The following CTNNA3 variants were observed in gnomAD, a reference collection of about 807,000 sequenced individuals.
CTNNA3 encodes the protein catenin alpha 3.
CTNNA3 carries 76 observed loss-of-function variants against 95.7 expected under a neutral mutation model. That is an observed-to-expected ratio of 0.79 (90% confidence interval 0.66 to 0.96). CTNNA3 has a LOEUF of 0.96. Ranked by LOEUF, CTNNA3 falls within the 40% of genes least tolerant of loss-of-function variation. The pLI is 0.00. For missense variants in CTNNA3, 1,191 were observed against 1,089.8 expected (o/e 1.09, Z -1.31); for synonymous variants, 431 against 374.4 (o/e 1.15, Z -1.74).
chr10:66,757,329 C>A (rs1040321409), intron 9 of CTNNA3, among the ~76,000 whole-genome samples: 12 of 152,052 alleles, frequency 7.9e-5, no homozygotes, highest in Admixed American at 7.9e-4. Context: ...AAATGCCCTT[C>A]GAGTCTATAC....
chr10:66,308,262 ATTGT>A (rs1280785850), intron 12 of CTNNA3, among the ~76,000 whole-genome samples: 1 of 152,214 alleles, frequency 6.6e-6, no homozygotes, highest in Non-Finnish European at 1.5e-5. Flanking sequence ...ATTAATATAC[ATTGT>A]TTGATATAAT....
intron 13 of CTNNA3, among the ~76,000 whole-genome samples, chr10:66,204,159 TAAA>T (rs1177723235): frequency 6.6e-6 from 1 of 152,138 alleles, no homozygotes; most frequent in Non-Finnish European, 1.5e-5. Context: ...TTGTTTTAAA[TAAA>T]AGAATGAAAA....
At chr10:66,166,750 CAA>C (rs146443887) in intron 13 of CTNNA3, among the ~76,000 whole-genome samples, 9 of 151,096 alleles carry the variant, frequency 6.0e-5, no homozygotes, top group East Asian at 5.8e-4. Context: ...ATTATAACAG[CAA>C]AAAAAATTAA....
At chr10:66,319,178 C>T (rs1204267866) in intron 12 of CTNNA3, among the ~76,000 whole-genome samples, 1 of 151,954 alleles carries the variant, frequency 6.6e-6, no homozygotes, top group Non-Finnish European at 1.5e-5. Flanking sequence ...ATTACTTGAT[C>T]ATAATCAAAT....
At chr10:66,144,438 G>GGGA (rs2083771959) in intron 13 of CTNNA3, among the ~76,000 whole-genome samples, 1 of 151,580 alleles carries the variant, frequency 6.6e-6, no homozygotes, top group African/African-American at 2.4e-5. Context: ...TTGTAGCCTC[G>GGGA]ACCATCTTAA....
At chr10:67,430,323 AGCTGTGTAATCAAG>A (rs1217465271) in intron 5 of CTNNA3, among the ~76,000 whole-genome samples, 2 of 151,918 alleles carry the variant, frequency 1.3e-5, no homozygotes, top group Admixed American at 6.6e-5. Flanking sequence ...TAAATTTACC[AGCTGTGTAATCAAG>A]GCAGTATCAC....
intron 8 of CTNNA3, among the ~76,000 whole-genome samples, chr10:66,773,115 G>A (rs987441849): frequency 6.6e-6 from 1 of 152,076 alleles, no homozygotes; most frequent in Non-Finnish European, 1.5e-5. Flanking sequence ...GAAAAATAAA[G>A]TACTAGGGGG....
At chr10:67,480,493 G>T (rs1312067595) in intron 5 of CTNNA3, among the ~76,000 whole-genome samples, 2 of 152,176 alleles carry the variant, frequency 1.3e-5, no homozygotes, top group African/African-American at 4.8e-5. Context: ...GAAGTTGCCG[G>T]TTTACCAGAA....
chr10:67,227,724 C>T lies in CTNNA3; in HGVS notation c.580-7854G>A, dbSNP rs192109784. 2.6e-4 allele frequency among the ~76,000 whole-genome samples: 39 copies of T among 152,248 alleles called. 1 individual carries two copies. Among genetic ancestry groups the T allele is most frequent in the African/African-American group, 9.4e-4 (39 of 41,540 alleles). On this transcript the variant is annotated intron_variant, in intron 5 of 17. Coordinates refer to ENST00000433211, the MANE Select transcript of CTNNA3 (RefSeq NM_013266.4). ...AACAGATATATACAGAACATTTCAT[C>T]CAACAACCACAAAATACACATTTTA...
At chr10:66,038,814 T>C (rs1226591262) in intron 15 of CTNNA3, among the ~76,000 whole-genome samples, 2 of 152,160 alleles carry the variant, frequency 1.3e-5, no homozygotes, top group East Asian at 3.9e-4. Flanking sequence ...GCTAGAAGCA[T>C]TCCCCCTTGA....
intron 11 of CTNNA3, among the ~76,000 whole-genome samples, chr10:66,393,432 A>T (rs12763064): frequency 6.6e-6 from 1 of 152,082 alleles, no homozygotes; most frequent in East Asian, 1.9e-4. Context: ...TTCTTCAAAC[A>T]TTCTACATTC....
chr10:65,978,482 A>AT (rs371859926), intron 16 of CTNNA3, among the ~76,000 whole-genome samples: 15,576 of 105,562 alleles, frequency 0.15, 943 homozygotes, highest in East Asian at 0.22. Flanking sequence ...TTCCTGAGCA[A>AT]TTTTTTTTTT....
chr10:66,183,883 C>T (rs1468164894), intron 13 of CTNNA3, among the ~76,000 whole-genome samples: 1 of 151,938 alleles, frequency 6.6e-6, no homozygotes, highest in African/African-American at 2.4e-5. Flanking sequence ...TTCCAATCCT[C>T]CTCTCAGTTT....
chr10:66,310,462 T>A (rs2092002018), intron 12 of CTNNA3, among the ~76,000 whole-genome samples: 1 of 152,168 alleles, frequency 6.6e-6, no homozygotes, highest in African/African-American at 2.4e-5. Context: ...ATTTGGGCAA[T>A]AATAGATGAT....
intron 12 of CTNNA3, among the ~76,000 whole-genome samples, chr10:66,309,169 T>C (rs1466379675): frequency 3.3e-5 from 5 of 152,296 alleles, no homozygotes; most frequent in African/African-American, 1.2e-4. Context: ...GGAAATTTTA[T>C]CTCCTTAGGT....
At chr10:67,700,273 G>C (rs888186116), upstream of CTNNA3, among the ~76,000 whole-genome samples, 2 of 152,166 alleles carry the variant, frequency 1.3e-5, no homozygotes, top group Non-Finnish European at 2.9e-5. Flanking sequence ...AGAGAGCAGT[G>C]GTTCTCCCAG....
At chr10:66,665,318 A>C (rs1292215322) in intron 9 of CTNNA3, among the ~76,000 whole-genome samples, 1 of 152,220 alleles carries the variant, frequency 6.6e-6, no homozygotes, top group Non-Finnish European at 1.5e-5. Context: ...GATTTCTGCC[A>C]GACCCTTCAG....
At chr10:67,109,775 G>A (rs556623110) in intron 7 of CTNNA3, among the ~76,000 whole-genome samples, 1 of 152,244 alleles carries the variant, frequency 6.6e-6, no homozygotes, top group Admixed American at 6.5e-5. Context: ...TCTGGGAGGC[G>A]GAGCTTGCAG....
At chr10:67,107,829 A>G (rs894026780) in intron 7 of CTNNA3, among the ~76,000 whole-genome samples, 2 of 152,058 alleles carry the variant, frequency 1.3e-5, no homozygotes, top group Non-Finnish European at 2.9e-5. Flanking sequence ...GTTCCAGTCC[A>G]TTTGCAGCAA....
Sources: allele counts gnomAD v4.1 joint callset (sites outside exome capture counted in the v4.1 genomes callset), GRCh38; gene constraint gnomAD v4.1.1; transcripts MANE v1.5; gene names NCBI Gene and HGNC (gene_info 2026-07-23, HGNC 2026-07-21).